The following CPSF3 variants were observed in gnomAD, a reference collection of about 807,000 sequenced individuals.
The protein encoded by CPSF3 is cleavage and polyadenylation specific factor 3, also known as cleavage and polyadenylation specificity factor subunit 3.
In CPSF3, 57 loss-of-function variants were observed where a neutral mutation model predicts 84.1. That is an observed-to-expected ratio of 0.68 (90% CI 0.55 to 0.85). CPSF3 has a LOEUF of 0.85. Ranked by LOEUF, CPSF3 falls within the 40% of genes least tolerant of loss-of-function variation. The probability of loss-of-function intolerance (pLI) is 0.00; values close to 1 mark genes in which losing one functional copy is unlikely to be tolerated. For missense variants in CPSF3, 522 were observed against 838.8 expected (o/e 0.62, Z 4.66); for synonymous variants, 275 against 278.1 (o/e 0.99, Z 0.11).
At chr2:9,472,022 A>AAAC (rs137960432) in intron 17 of CPSF3, among the ~76,000 whole-genome samples, 1 of 149,454 alleles carries the variant, frequency 6.7e-6, no homozygotes, top group Non-Finnish European at 1.5e-5. Flanking sequence ...AAAAAAAAAA[A>AAAC]AGAACTAGAG....
chr2:9,462,047 A>G (rs1681744270), intron 15 of CPSF3, among the ~76,000 whole-genome samples: 1 of 152,126 alleles, frequency 6.6e-6, no homozygotes, highest in South Asian at 2.1e-4. Flanking sequence ...GGCTTCAGCC[A>G]CCGTGCCGGG....
intron 10 of CPSF3, among the ~76,000 whole-genome samples, chr2:9,444,655 T>TG (rs1681069894): frequency 9.7e-6 from 1 of 103,176 alleles, no homozygotes; most frequent in South Asian, 2.7e-4. Context: ...TTGGGGTGTT[T>TG]TTTGGTTTGT....
rs545994268 is a variant in CPSF3, at chr2:9,440,395, A to C, written c.761-96A>C. 3.2e-6 allele frequency: 3 copies of C among 944,792 alleles called. No individual in the cohort carries two copies. In the South Asian group the frequency reaches 5.2e-5, roughly 16 times the overall value. 58.5% of individuals were successfully genotyped at this position (944,792 alleles called of 1,614,324 possible). A position where few individuals can be genotyped will look rare whatever the true frequency, so the allele number is the denominator to read the frequency against. On this transcript the variant is annotated intron_variant, in intron 7 of 17. Transcript: ENST00000238112. The stretch of plus-strand genomic sequence containing the variant: ...GTTGTGTGCTTTATTTCTTGGTTGT[A>C]TGTGTATCATTTCTTGTTCTGTGTG...
At chr2:9,436,158 G>A in intron 6 of CPSF3, 53 bp from the exon 7 acceptor site, 1 of 1,452,652 alleles carries the variant, frequency 6.9e-7, no homozygotes, top group Non-Finnish European at 9.2e-7. Context: ...TTTAACTTTT[G>A]AATTCTTGGA....
At chr2:9,446,958 A>G (rs1270679218) in intron 10 of CPSF3, among the ~76,000 whole-genome samples, 3 of 152,096 alleles carry the variant, frequency 2.0e-5, no homozygotes, top group Admixed American at 6.5e-5. Flanking sequence ...TAGACAACAT[A>G]GTGAGACCTT....
chr2:9,472,965 T>C lies in CPSF3; in HGVS notation c.2003T>C (p.Met668Thr). Residue 668 changes from methionine to threonine, a missense_variant, in exon 18 of 18, where the codon ATG (methionine) becomes ACG (threonine). Coordinates refer to ENST00000238112, the MANE Select transcript of CPSF3 (RefSeq NM_016207.4). ...GAAGACGATGAATCCCTCCGAGAAATGGTGGAGCTGGCTGCACAGAGACTG... is the reference window on the plus strand; with the variant it reads ...GAAGACGATGAATCCCTCCGAGAAACGGTGGAGCTGGCTGCACAGAGACTG... ...GSEDDESLRE[M>T]VELAAQRLYE... 6.2e-7 allele frequency: 1 copy of C among 1,613,766 alleles called. No individual in the cohort carries two copies. Among genetic ancestry groups the C allele is most frequent in the South Asian group, 1.1e-5 (1 of 91,024 alleles).
intron 11 of CPSF3, among the ~76,000 whole-genome samples, chr2:9,448,702 G>A (rs956695487): frequency 6.6e-6 from 1 of 152,088 alleles, no homozygotes; most frequent in Admixed American, 6.6e-5. Context: ...GATTACAGGT[G>A]CGCGCCACCA....
chr2:9,470,321 A>C (rs1682120393), intron 16 of CPSF3, among the ~76,000 whole-genome samples: 1 of 152,194 alleles, frequency 6.6e-6, no homozygotes, highest in Admixed American at 6.5e-5. Flanking sequence ...TGAAGATGCA[A>C]GGAGTTGATT....
At chr2:9,434,718 G>A (rs566831639) in intron 6 of CPSF3, among the ~76,000 whole-genome samples, 1 of 152,208 alleles carries the variant, frequency 6.6e-6, no homozygotes, top group South Asian at 2.1e-4. Flanking sequence ...AAGTCCCAGG[G>A]GAGCAAAAAA....
chr2:9,428,199 T>C (rs1313629857), intron 1 of CPSF3, among the ~76,000 whole-genome samples: 1 of 148,656 alleles, frequency 6.7e-6, no homozygotes, highest in East Asian at 1.9e-4. Context: ...GGTTTCACCG[T>C]GTTAGCCAGG....
rs563604439 is a variant in CPSF3 at position 9,459,702 on chromosome 2, T to G, written c.1786+84T>G. 33 of 635,686 alleles carry G rather than the reference T, an allele frequency of 5.2e-5. No homozygotes were observed. The South Asian group carries it at 5.6e-4, about 11-fold the overall frequency. 39.4% of individuals were successfully genotyped at this position (635,686 alleles called of 1,614,324 possible). The stretch of plus-strand genomic sequence containing the variant: ...ACTAGCTCTGTCATCCAGGCTGGAG[T>G]GCAGTGGCACGATCTCAGCTCACTG... On this transcript the variant is annotated intron_variant, in intron 15 of 17. Coordinates refer to ENST00000238112, the MANE Select transcript of CPSF3 (RefSeq NM_016207.4).
At chr2:9,451,323 C>T (rs1681321567) in intron 11 of CPSF3, among the ~76,000 whole-genome samples, 1 of 152,146 alleles carries the variant, frequency 6.6e-6, no homozygotes, top group Non-Finnish European at 1.5e-5. Context: ...TGAAATACAA[C>T]CCTCTGTGTT....
At position 9,440,477 on chromosome 2, in the gene CPSF3, C is replaced by A. The variant is rs768942697; in HGVS notation, c.761-14C>A. ...CTAACAAAGTGATGTTTGTTTCTTG[C>A]AAAATCTCTCTAGATGAGTACTGGC... On this transcript the variant is annotated splice_polypyrimidine_tract_variant and intron_variant, in intron 7 of 17. Coordinates refer to ENST00000238112, the MANE Select transcript of CPSF3 (RefSeq NM_016207.4). 7 of 1,599,838 alleles carry A rather than the reference C, an allele frequency of 4.4e-6. No individual in the cohort carries two copies. Among genetic ancestry groups the A allele is most frequent in the Non-Finnish European group, 6.0e-6 (7 of 1,169,558 alleles).
At chr2:9,429,217 G>T (rs1680492858) in intron 2 of CPSF3, among the ~76,000 whole-genome samples, 1 of 152,222 alleles carries the variant, frequency 6.6e-6, no homozygotes, top group Admixed American at 6.5e-5. Context: ...TAGAAGCTTG[G>T]ATCCCCAGGT....
At chr2:9,437,890 T>C (rs1680840024) in intron 7 of CPSF3, among the ~76,000 whole-genome samples, 1 of 152,186 alleles carries the variant, frequency 6.6e-6, no homozygotes, top group Non-Finnish European at 1.5e-5. Flanking sequence ...TTGTCCCAGC[T>C]ACCTGGGAGA....
At chr2:9,460,335 A>C (rs962573646) in intron 15 of CPSF3, among the ~76,000 whole-genome samples, 1 of 152,170 alleles carries the variant, frequency 6.6e-6, no homozygotes, top group Admixed American at 6.5e-5. Flanking sequence ...AGGCTGAGGC[A>C]GGAGAATGGC....
chr2:9,446,554 C>A (rs1017649010), intron 10 of CPSF3, among the ~76,000 whole-genome samples: 2 of 142,580 alleles, frequency 1.4e-5, no homozygotes, highest in Non-Finnish European at 3.0e-5. Flanking sequence ...AGACTCTAGC[C>A]TGGGCGACGG....
rs184284445 is a variant in CPSF3, at chr2:9,444,913, G to A, written c.1242+1252G>A. On this transcript the variant is annotated intron_variant, in intron 10 of 17. Transcript: ENST00000238112. ...ACTCCTGACCTCAGGTGATCTGCCC[G>A]CCTCGGCCTCCCAAAGTGCTAGGAT... Among the ~76,000 whole-genome samples, 472 of 152,148 alleles carry A rather than the reference G, an allele frequency of 3.1e-3. 3 individuals carry two copies. The highest frequency in any genetic ancestry group is 0.011 in the African/African-American group (442 of 41,498).
chr2:9,443,135 C>T (rs1681011173), intron 9 of CPSF3, among the ~76,000 whole-genome samples: 1 of 152,160 alleles, frequency 6.6e-6, no homozygotes, highest in Non-Finnish European at 1.5e-5. Context: ...GCATTTCAGC[C>T]TGGGTGACAA....
Sources: allele counts gnomAD v4.1 joint callset (sites outside exome capture counted in the v4.1 genomes callset), GRCh38; gene constraint gnomAD v4.1.1; transcripts MANE v1.5; gene names NCBI Gene and HGNC (gene_info 2026-07-23, HGNC 2026-07-21).